ZSCAN25: variants seen among roughly 807,000 people sequenced by gnomAD.
The protein encoded by ZSCAN25 is zinc finger and SCAN domain-containing protein 25.
ZSCAN25 carries 27 observed loss-of-function variants against 38.7 expected under a neutral mutation model. The ratio of observed to expected loss-of-function variants is 0.70; its 90% CI spans 0.51 to 0.96. The LOEUF (loss-of-function observed/expected upper bound fraction) is 0.96. Ranked by LOEUF, ZSCAN25 falls within the 40% of genes least tolerant of loss-of-function variation. The probability of loss-of-function intolerance (pLI) is 0.00; values close to 1 mark genes in which losing one functional copy is unlikely to be tolerated. For missense variants in ZSCAN25, 637 were observed against 705.9 expected (o/e 0.90, Z 1.11); for synonymous variants, 273 against 277.7 (o/e 0.98, Z 0.17).
At chr7:99,647,913 G>A in the ZSCAN25 span, 56 of 980,232 alleles carry the variant, frequency 5.7e-5, no homozygotes, top group Non-Finnish European at 6.2e-5. Context: ...CAAATAAAAC[G>A]TGATATAAAT....
the ZSCAN25 span, among the ~76,000 whole-genome samples, chr7:99,696,989 C>T: frequency 6.6e-6 from 1 of 152,184 alleles, no homozygotes; most frequent in African/African-American, 2.4e-5. Context: ...TTGAACATTT[C>T]CTGAGGGCTC....
chr7:99,625,700 CT>C (rs1159367085), intron 7 of ZSCAN25, among the ~76,000 whole-genome samples: 1 of 152,168 alleles, frequency 6.6e-6, no homozygotes, highest in Non-Finnish European at 1.5e-5. Context: ...CCCAGTGATG[CT>C]GCTGTGTGGG....
the ZSCAN25 span, among the ~76,000 whole-genome samples, chr7:99,669,389 G>A: frequency 4.6e-5 from 7 of 152,232 alleles, 1 homozygote; most frequent in African/African-American, 1.4e-4. Context: ...GTTACAACTC[G>A]GACTCAATCG....
intron 7 of ZSCAN25, among the ~76,000 whole-genome samples, chr7:99,624,654 C>T (rs1445687903): frequency 1.3e-5 from 2 of 152,100 alleles, no homozygotes; most frequent in Non-Finnish European, 2.9e-5. Context: ...GGGGGCTTCG[C>T]GATGGGAGAG....
At chr7:99,735,667 C>T in the ZSCAN25 span, among the ~76,000 whole-genome samples, 1 of 152,174 alleles carries the variant, frequency 6.6e-6, no homozygotes, top group African/African-American at 2.4e-5. Flanking sequence ...ACAGAAGTAA[C>T]CATTTCCTCC....
the ZSCAN25 span, chr7:99,685,030 T>G: frequency 2.5e-6 from 2 of 786,306 alleles, no homozygotes; most frequent in Non-Finnish European, 4.2e-6. Flanking sequence ...TGCAGTACAG[T>G]GGATGAAGCC....
In ZSCAN25 at chr7:99,632,163, C is replaced by A. The variant is rs1371098164; in HGVS notation, c.*2143C>A. On this transcript the variant is annotated 3_prime_UTR_variant, in exon 8 of 8. Transcript: ENST00000394152. The stretch of plus-strand genomic sequence containing the variant: ...CCTTGCTGACTTTCCTATCTGGCCT[C>A]TTCCCTATCTCCTGTGGGGCCAAGA... 2 of 985,344 alleles carry A rather than the reference C, an allele frequency of 2.0e-6. No individual in the cohort carries two copies. Among genetic ancestry groups the A allele is most frequent in the African/African-American group, 3.5e-5 (2 of 57,242 alleles). 61.0% of individuals were successfully genotyped at this position (985,344 alleles called of 1,614,324 possible). A position where few individuals can be genotyped will look rare whatever the true frequency, so the allele number is the denominator to read the frequency against.
At chr7:99,687,253 G>T in the ZSCAN25 span, among the ~76,000 whole-genome samples, 1 of 152,104 alleles carries the variant, frequency 6.6e-6, no homozygotes, top group Admixed American at 6.5e-5. Flanking sequence ...CAAACCAATG[G>T]CAAAGAAGTT....
chr7:99,710,882 A>C, the ZSCAN25 span: 1 of 1,613,746 alleles, frequency 6.2e-7, no homozygotes, highest in Non-Finnish European at 8.5e-7. Context: ...TGAGCTCCAG[A>C]TCAGACAGAG....
chr7:99,730,025 T>A, the ZSCAN25 span, among the ~76,000 whole-genome samples: 40 of 152,160 alleles, frequency 2.6e-4, 1 homozygote, highest in Non-Finnish European at 1.0e-4. Context: ...AGAACTAGAA[T>A]CTGAGAAACA....
At chr7:99,666,924 CT>C in the ZSCAN25 span, 1 of 1,609,704 alleles carries the variant, frequency 6.2e-7, no homozygotes. Flanking sequence ...CTTTACATTT[CT>C]AATTAAGACT....
chr7:99,641,363 C>T, the ZSCAN25 span, among the ~76,000 whole-genome samples: 4 of 152,074 alleles, frequency 2.6e-5, no homozygotes, highest in African/African-American at 4.8e-5. Flanking sequence ...GAACAGCATG[C>T]GGGTAACCAC....
chr7:99,682,810 T>C, the ZSCAN25 span, among the ~76,000 whole-genome samples: 2 of 152,316 alleles, frequency 1.3e-5, no homozygotes, highest in South Asian at 4.1e-4. Flanking sequence ...CATCAGTGTT[T>C]TACAATATTA....
rs766839115 is a variant in ZSCAN25, at chr7:99,629,865, C to T, written c.1480C>T (p.Arg494Trp). 18 of 1,614,094 alleles carry T rather than the reference C, an allele frequency of 1.1e-5. No individual in the cohort carries two copies. The East Asian group carries it at 3.1e-4, about 28-fold the overall frequency. The change falls in exon 8 of 8, where the codon CGG (arginine) becomes TGG (tryptophan). Residue 494 changes from arginine (R) to tryptophan (W), a missense_variant. Arg to Trp is a moderately radical substitution (Grantham distance 101). Coordinates refer to ENST00000394152, the MANE Select transcript of ZSCAN25 (RefSeq NM_145115.3). This position sits in a 1 kb window ranked among gnomAD's most constrained non-coding sequence, Gnocchi z 5.6. ...ATATGGGTGCCAGGTGTGCGGGAAGCGGTTCAGCAAAGGGGAGCGGCTGGT... is the reference window on the plus strand; with the variant it reads ...ATATGGGTGCCAGGTGTGCGGGAAGTGGTTCAGCAAAGGGGAGCGGCTGGT... The part of the protein sequence containing the change: ...KPYGCQVCGK[R>W]FSKGERLVRH...
chr7:99,717,784 T>C, the ZSCAN25 span: 3 of 1,094,644 alleles, frequency 2.7e-6, no homozygotes, highest in Non-Finnish European at 2.7e-6. Context: ...AGATGCTCAA[T>C]AGGATTTATC....
At chr7:99,713,603 C>T in the ZSCAN25 span, 2 of 1,605,030 alleles carry the variant, frequency 1.2e-6, no homozygotes, top group African/African-American at 1.3e-5. Context: ...ATCAGAAGTG[C>T]AGTCCTCAAC....
the ZSCAN25 span, chr7:99,663,979 C>T: frequency 1.3e-5 from 21 of 1,584,158 alleles, no homozygotes; most frequent in African/African-American, 4.1e-5. Context: ...TTTTGTTTGT[C>T]GTTGAGGCGA....
At chr7:99,656,196 G>A in the ZSCAN25 span, among the ~76,000 whole-genome samples, 1 of 152,212 alleles carries the variant, frequency 6.6e-6, no homozygotes, top group Non-Finnish European at 1.5e-5. Flanking sequence ...TGTCCATTCA[G>A]TATGATATTG....
the ZSCAN25 span, among the ~76,000 whole-genome samples, chr7:99,731,679 C>G: frequency 2.0e-5 from 3 of 152,342 alleles, no homozygotes; most frequent in South Asian, 6.2e-4. Flanking sequence ...GCTTTCCCTT[C>G]ACTCTAAGCT....
Sources: allele counts gnomAD v4.1 joint callset (sites outside exome capture counted in the v4.1 genomes callset), GRCh38; gene constraint gnomAD v4.1.1; non-coding constraint Gnocchi (gnomAD v3.1); transcripts MANE v1.5; gene names NCBI Gene and HGNC (gene_info 2026-07-23, HGNC 2026-07-21).